The following TUSC3 variants were observed in gnomAD, a reference collection of about 807,000 sequenced individuals.
The protein encoded by TUSC3 is dolichyl-diphosphooligosaccharide--protein glycosyltransferase subunit TUSC3.
TUSC3 carries 45 observed loss-of-function variants against 44.8 expected under a neutral mutation model. The ratio of observed to expected loss-of-function variants is 1.00; its 90% CI spans 0.79 to 1.29. The LOEUF (loss-of-function observed/expected upper bound fraction) is 1.29, where lower values mean the gene tolerates loss of function less well. Among genes scored for constraint, TUSC3 ranks in the 50% most tolerant of loss-of-function variants. The pLI, the probability that TUSC3 is intolerant of heterozygous loss-of-function variation, is 0.00. For missense variants in TUSC3, 519 were observed against 437.9 expected (o/e 1.19, Z -1.65); for synonymous variants, 212 against 152.9 (o/e 1.39, Z -2.85).
chr8:15,706,806 A>AAT (rs1288210222), intron 6 of TUSC3, among the ~76,000 whole-genome samples: 1 of 151,822 alleles, frequency 6.6e-6, no homozygotes, highest in African/African-American at 2.4e-5. Flanking sequence ...ATGACACTTT[A>AAT]ATAAAGTACT....
Position 15,650,793 on chromosome 8 carries a change from G to T in TUSC3, c.405G>T (p.Glu135Asp). 6.2e-7 allele frequency: 1 copy of T among 1,614,032 alleles called. No individual in the cohort carries two copies. Among genetic ancestry groups the T allele is most frequent in the Non-Finnish European group, 8.5e-7 (1 of 1,179,984 alleles). ...TCTTCAGTATGGTGGACTATGATGA[G>T]GGGACAGACGTTTTTCAGCAGGTAA... ...KLFFSMVDYD[E>D]GTDVFQQLNM... The change falls in exon 3 of 11, where the codon GAG becomes GAT. Residue 135 changes from glutamate (E) to aspartate (D), a missense_variant. Physicochemically the swap from Glu to Asp is conservative, Grantham distance 45. Coordinates refer to ENST00000503731, the MANE Select transcript of TUSC3 (RefSeq NM_006765.4).
intron 6 of TUSC3, chr8:15,689,584 C>G (rs1184922085): frequency 6.3e-6 from 1 of 158,784 alleles, no homozygotes; most frequent in Non-Finnish European, 1.4e-5. Flanking sequence ...ACGACACAGA[C>G]ACCAACCCAC....
At chr8:15,835,647 ATT>A in the TUSC3 span, among the ~76,000 whole-genome samples, 1 of 152,108 alleles carries the variant, frequency 6.6e-6, no homozygotes, top group Non-Finnish European at 1.5e-5. Context: ...AATTTATGGA[ATT>A]TTTTGTACCT....
intron 1 of TUSC3, among the ~76,000 whole-genome samples, chr8:15,617,120 A>ATATGTGTGTGTGTGTGTGTGTG (rs1554460215): frequency 1.6e-5 from 2 of 123,720 alleles, no homozygotes; most frequent in Non-Finnish European, 3.2e-5. Flanking sequence ...TATCTGTAAA[A>ATATGTGTGTGTGTGTGTGTGTG]TGTGTGTGTG....
chr8:15,830,082 C>T, the TUSC3 span, among the ~76,000 whole-genome samples: 1,647 of 150,964 alleles, frequency 0.011, 38 homozygotes, highest in African/African-American at 0.038. Context: ...GTTGGCTGCT[C>T]GTATGTCTTC....
At chr8:15,445,956 C>A (rs1042296505) in intron 1 of TUSC3, among the ~76,000 whole-genome samples, 23 of 150,326 alleles carry the variant, frequency 1.5e-4, no homozygotes, top group African/African-American at 5.6e-4. Context: ...GGGGGCTGCC[C>A]CCCACCTCGC....
chr8:15,840,045 C>A, the TUSC3 span, among the ~76,000 whole-genome samples: 1 of 151,992 alleles, frequency 6.6e-6, no homozygotes, highest in Non-Finnish European at 1.5e-5. Context: ...TACTATGCAG[C>A]CATAAAAAAT....
chr8:15,487,767 A>G (rs1015218998), intron 2 of TUSC3, among the ~76,000 whole-genome samples: 36 of 152,304 alleles, frequency 2.4e-4, no homozygotes, highest in African/African-American at 7.9e-4. Flanking sequence ...TCTAAATTCT[A>G]TCTCCCATGT....
chr8:15,431,457 A>C (rs974833231), intron 1 of TUSC3, among the ~76,000 whole-genome samples: 2 of 151,506 alleles, frequency 1.3e-5, no homozygotes, highest in African/African-American at 4.9e-5. Context: ...CGTTGTTTTC[A>C]TAATTTCCTT....
At chr8:15,568,250 G>A (rs1392126066) in intron 1 of TUSC3, among the ~76,000 whole-genome samples, 2 of 152,174 alleles carry the variant, frequency 1.3e-5, no homozygotes, top group Non-Finnish European at 2.9e-5. Context: ...AAAGAGAAGA[G>A]GCATTCATTT....
intron 1 of TUSC3, among the ~76,000 whole-genome samples, chr8:15,424,614 C>T (rs1182485026): frequency 6.6e-6 from 1 of 152,164 alleles, no homozygotes; most frequent in East Asian, 1.9e-4. Context: ...GATGCGGTGG[C>T]TTACGCCTGT....
chr8:15,637,637 C>A (rs1443155940), intron 2 of TUSC3, among the ~76,000 whole-genome samples: 1 of 151,968 alleles, frequency 6.6e-6, no homozygotes, highest in African/African-American at 2.4e-5. Context: ...TGCTGTTGAT[C>A]ATTTGCTGCT....
the TUSC3 span, chr8:15,807,110 C>T: frequency 4.9e-6 from 6 of 1,214,868 alleles, no homozygotes; most frequent in Non-Finnish European, 7.3e-6. Context: ...GCCCGTTATA[C>T]ACAGCAAAGA....
intron 7 of TUSC3, among the ~76,000 whole-genome samples, chr8:15,731,435 C>G (rs1354194477): frequency 6.6e-6 from 1 of 152,126 alleles, no homozygotes; most frequent in Non-Finnish European, 1.5e-5. Context: ...ATCCTGGTTA[C>G]TAAGATTCAT....
At chr8:15,794,254 A>C in the TUSC3 span, among the ~76,000 whole-genome samples, 1 of 151,970 alleles carries the variant, frequency 6.6e-6, no homozygotes, top group Admixed American at 6.6e-5. Flanking sequence ...TTTTTTGAGG[A>C]TCCAGCTTTT....
upstream of TUSC3, among the ~76,000 whole-genome samples, chr8:15,538,440 A>G (rs1420384988): frequency 1.3e-5 from 2 of 152,016 alleles, no homozygotes; most frequent in Non-Finnish European, 2.9e-5. Context: ...CAGAAAAGTG[A>G]TATATATTTG....
At chr8:15,747,669 G>A (rs567287932) in intron 8 of TUSC3, among the ~76,000 whole-genome samples, 181 of 152,116 alleles carry the variant, frequency 1.2e-3, no homozygotes, top group Admixed American at 2.3e-3. Context: ...AGTACTGCTC[G>A]TATTTTCAGC....
At chr8:15,490,603 C>A (rs969852903) in intron 2 of TUSC3, among the ~76,000 whole-genome samples, 2 of 152,200 alleles carry the variant, frequency 1.3e-5, no homozygotes, top group African/African-American at 2.4e-5. Context: ...AAGTGTGCAG[C>A]TGCCAGGTGT....
At chr8:15,650,616 C>T in intron 2 of TUSC3, 81 bp from the exon 3 acceptor site, 1 of 1,215,996 alleles carries the variant, frequency 8.2e-7, no homozygotes, top group South Asian at 1.2e-5. Context: ...AGTGCTTGTC[C>T]TAGGGTTGTC....
Sources: gnomAD v4.1 joint callset for allele counts (sites outside exome capture counted in the v4.1 genomes callset) on GRCh38, gnomAD v4.1.1 for gene constraint, MANE v1.5 for transcripts, NCBI Gene and HGNC (gene_info 2026-07-23, HGNC 2026-07-21) for gene names.